Variants in CLGN observed in about 807,000 individuals in gnomAD.
CLGN encodes testis tissue sperm-binding protein Li 79P.
In CLGN, 62 loss-of-function variants were observed where a neutral mutation model predicts 79.1. The ratio of observed to expected loss-of-function variants is 0.78; its 90% CI spans 0.64 to 0.97. The LOEUF is 0.97. Among genes scored for constraint, CLGN ranks in the 50% least tolerant of loss-of-function variants. CLGN has a pLI of 0.00. For synonymous variants in CLGN, 225 were observed against 224.7 expected, an observed-to-expected ratio of 1.00 and a Z score of -0.01; for missense variants, 647 against 715.5, an observed-to-expected ratio of 0.90 and a Z score of 1.09.
chr4:140,419,110 A>G (rs1212836818), intron 1 of CLGN, among the ~76,000 whole-genome samples: 2 of 152,024 alleles, frequency 1.3e-5, no homozygotes, highest in African/African-American at 4.8e-5. Flanking sequence ...AGAACAAAAA[A>G]CCAAACACCG....
At chr4:140,396,912 TATATATATATACAC>T (rs1216221630) in intron 8 of CLGN, among the ~76,000 whole-genome samples, 41 of 133,452 alleles carry the variant, frequency 3.1e-4, no homozygotes, top group African/African-American at 1.1e-3. Flanking sequence ...TATATGTATA[TATATATATATACAC>T]ATATATATAT....
chr4:140,398,983 C>G lies in CLGN; in HGVS notation c.752G>C (p.Gly251Ala), dbSNP rs1258872323. The G allele has an allele frequency of 6.2e-7, 1 of 1,613,900 alleles. No homozygotes were observed. The highest frequency in any genetic ancestry group is 1.3e-5 in the African/African-American group (1 of 74,994). ...VLVDQTVVNK[G>A]SLLEDVVPPI... ...AGGAACCACATCCTCTAGGAGGCTT[C>G]CTTTGTTTACAACTGTTTGATCAAC... Residue 251 changes from glycine (G) to alanine (A), a missense_variant, in exon 8 of 15, where the codon GGA becomes GCA. Transcript: ENST00000325617.
chr4:140,408,970 CAG>C (rs1416032716), intron 4 of CLGN, among the ~76,000 whole-genome samples: 2 of 150,622 alleles, frequency 1.3e-5, no homozygotes, highest in African/African-American at 4.9e-5. Flanking sequence ...TATATATACA[CAG>C]GGGATTTGCT....
At chr4:140,406,900 T>C (rs1418550059) in intron 4 of CLGN, among the ~76,000 whole-genome samples, 2 of 152,232 alleles carry the variant, frequency 1.3e-5, no homozygotes, top group African/African-American at 4.8e-5. Context: ...ATGATAGGTA[T>C]TGCCTATTCC....
chr4:140,401,618 C>T (rs1032518133), intron 6 of CLGN, among the ~76,000 whole-genome samples: 5 of 152,124 alleles, frequency 3.3e-5, no homozygotes, highest in South Asian at 2.1e-4. Context: ...TTTGGTTCTT[C>T]GGCCATTTTG....
In CLGN at chr4:140,393,812, G is replaced by A; in HGVS notation, c.1365+14C>T. The A allele has an allele frequency of 6.2e-7, 1 of 1,608,830 alleles. No homozygotes were observed. Among genetic ancestry groups the A allele is most frequent in the Non-Finnish European group, 8.5e-7 (1 of 1,176,004 alleles). On this transcript the variant is annotated intron_variant, in intron 11 of 14. Coordinates refer to ENST00000325617, the MANE Select transcript of CLGN (RefSeq NM_004362.3). ...TCATAGTTATATCACTACTGCTATT[G>A]GTCAACACCATACCTTATTAGCATT...
At chr4:140,404,857 A>G (rs1186901588) in intron 5 of CLGN, among the ~76,000 whole-genome samples, 6 of 151,700 alleles carry the variant, frequency 4.0e-5, no homozygotes, top group African/African-American at 1.2e-4. Context: ...GGGTTTTGCC[A>G]TGTTGCCAGG....
chr4:140,396,178 T>C lies in CLGN; in HGVS notation c.912A>G (p.Glu304=). ...CAGCAGGTTTAACAACACTTGAATC[T>C]TCTATTTGGGCAGGTTCACTTTCAT... is the stretch of plus-strand genomic sequence containing the variant. The part of the protein sequence containing the change: ...DWDESEPAQI[E]DSSVVKPAGW... The change falls in exon 9 of 15, where the codon GAA becomes GAG. Residue 304 remains glutamate (E), a synonymous_variant. Coordinates refer to ENST00000325617, the MANE Select transcript of CLGN (RefSeq NM_004362.3). 1 of 1,614,148 alleles carries C rather than the reference T, an allele frequency of 6.2e-7. No homozygotes were observed.
chr4:140,407,388 A>G (rs1322815311), intron 4 of CLGN, among the ~76,000 whole-genome samples: 3 of 152,142 alleles, frequency 2.0e-5, no homozygotes, highest in African/African-American at 7.2e-5. Context: ...AAGTCAAGCT[A>G]TCACTGTTTG....
rs543703445 is a variant in CLGN at position 140,414,339 on chromosome 4, A to G, written c.-9-1252T>C. Among the ~76,000 whole-genome samples, 17 of 151,828 alleles carry G rather than the reference A, an allele frequency of 1.1e-4. 1 individual carries two copies. Among genetic ancestry groups the G allele is most frequent in the African/African-American group, 3.6e-4 (15 of 41,486 alleles). Reference sequence around the variant, plus strand: ...CAGTTCCTCACCAGCAACGGAACAAAGCTGGATGGAGAATGACTTTGACGA... The same window carrying G: ...CAGTTCCTCACCAGCAACGGAACAAGGCTGGATGGAGAATGACTTTGACGA... On this transcript the variant is annotated intron_variant, in intron 1 of 14. Coordinates refer to ENST00000325617, the MANE Select transcript of CLGN (RefSeq NM_004362.3).
chr4:140,423,300 G>A (rs1474068145), intron 1 of CLGN, among the ~76,000 whole-genome samples: 1 of 152,148 alleles, frequency 6.6e-6, no homozygotes, highest in East Asian at 1.9e-4. Context: ...AGATGATCAT[G>A]TGTTCTCCCC....
In CLGN at chr4:140,389,043, G is replaced by C. The variant is rs1421817192; in HGVS notation, c.*181C>G. The C allele has an allele frequency of 1.8e-6, 1 of 564,622 alleles. No homozygotes were observed. Among genetic ancestry groups the C allele is most frequent in the East Asian group, 2.9e-5 (1 of 35,044 alleles). The allele number at this position is 564,622 out of a possible 1,614,324, so 35.0% of individuals were successfully genotyped here. A position where few individuals can be genotyped will look rare whatever the true frequency, so the allele number is the denominator to read the frequency against. On this transcript the variant is annotated 3_prime_UTR_variant, in exon 15 of 15. Coordinates refer to ENST00000325617, the MANE Select transcript of CLGN (RefSeq NM_004362.3). Reference sequence around the variant, plus strand: ...ACTTTTATTCTAAATTCAAAGATGAGGTAACTTCAAAGTTGCTTCTTTTTC... The same window carrying C: ...ACTTTTATTCTAAATTCAAAGATGACGTAACTTCAAAGTTGCTTCTTTTTC...
At chr4:140,417,985 T>C (rs1467249995) in intron 1 of CLGN, among the ~76,000 whole-genome samples, 1 of 152,158 alleles carries the variant, frequency 6.6e-6, no homozygotes, top group African/African-American at 2.4e-5. Flanking sequence ...AACAGCATGG[T>C]ACTGGTACCA....
chr4:140,423,938 A>AT (rs1449529964), intron 1 of CLGN, among the ~76,000 whole-genome samples: 1 of 151,932 alleles, frequency 6.6e-6, no homozygotes, highest in Non-Finnish European at 1.5e-5. Flanking sequence ...AGGTTTGTTA[A>AT]TTTTTTTGTT....
chr4:140,414,102 C>T (rs1729273478), intron 1 of CLGN, among the ~76,000 whole-genome samples: 1 of 152,198 alleles, frequency 6.6e-6, no homozygotes. Flanking sequence ...TGACACCTCA[C>T]ACGGCAGGGT....
chr4:140,402,207 A>G (rs1222644120), intron 5 of CLGN, 141 bp from the exon 6 acceptor site: 2 of 462,358 alleles, frequency 4.3e-6, no homozygotes, highest in Non-Finnish European at 7.7e-6. Context: ...CATATCTACA[A>G]CCTATAGGAA....
intron 4 of CLGN, 133 bp from the exon 5 acceptor site, chr4:140,406,216 ATATCTTCAAC>A: frequency 1.3e-6 from 1 of 783,476 alleles, no homozygotes; most frequent in Non-Finnish European, 2.1e-6. Flanking sequence ...AAATCAGGAA[ATATCTTCAAC>A]TATATATGTA....
chr4:140,405,739 T>C (rs1433581671), intron 5 of CLGN, among the ~76,000 whole-genome samples: 2 of 152,204 alleles, frequency 1.3e-5, no homozygotes, highest in African/African-American at 4.8e-5. Context: ...GAATGGTTGA[T>C]CTTTGTATAA....
intron 1 of CLGN, among the ~76,000 whole-genome samples, chr4:140,413,498 T>C (rs541152602): frequency 0.018 from 2,763 of 152,148 alleles, 86 homozygotes; most frequent in African/African-American, 0.063. Flanking sequence ...AGTGGGTGCG[T>C]GCACCGTGCG....
Sources: allele counts gnomAD v4.1 joint callset (sites outside exome capture counted in the v4.1 genomes callset), GRCh38; gene constraint gnomAD v4.1.1; transcripts MANE v1.5; gene names NCBI Gene and HGNC (gene_info 2026-07-23, HGNC 2026-07-21).